The following DCC variants were observed in gnomAD, a reference collection of about 807,000 sequenced individuals.
DCC encodes the protein netrin receptor DCC.
A neutral mutation model predicts 172.5 loss-of-function variants in DCC; 58 were observed. The observed-to-expected ratio is 0.34, with a 90% CI of 0.27 to 0.42. The LOEUF (loss-of-function observed/expected upper bound fraction) is 0.42. Among genes scored for constraint, DCC ranks in the 10% least tolerant of loss-of-function variants. The pLI, the probability that DCC is intolerant of heterozygous loss-of-function variation, is 1.00. For synonymous variants in DCC, 709 were observed against 644.5 expected, an observed-to-expected ratio of 1.10 and a Z score of -1.52; for missense variants, 1,740 against 1,791.0, an observed-to-expected ratio of 0.97 and a Z score of 0.51.
At chr18:52,950,341 C>A (rs1242133384) in intron 5 of DCC, among the ~76,000 whole-genome samples, 1 of 152,182 alleles carries the variant, frequency 6.6e-6, no homozygotes, top group Non-Finnish European at 1.5e-5. Flanking sequence ...CTGGGTGTGT[C>A]ATGCAGCCAG....
At chr18:52,585,678 C>T (rs1394677708) in intron 1 of DCC, among the ~76,000 whole-genome samples, 2 of 152,188 alleles carry the variant, frequency 1.3e-5, no homozygotes, top group Non-Finnish European at 2.9e-5. Flanking sequence ...CATTCTCCCT[C>T]ACCCAATAAT....
chr18:52,623,643 T>C (rs2051182097), intron 1 of DCC, among the ~76,000 whole-genome samples: 1 of 152,190 alleles, frequency 6.6e-6, no homozygotes, highest in African/African-American at 2.4e-5. Context: ...ATTACATAGA[T>C]TGGTTTATTT....
intron 7 of DCC, among the ~76,000 whole-genome samples, chr18:53,156,282 C>T (rs1056614070): frequency 2.6e-5 from 4 of 151,720 alleles, no homozygotes; most frequent in South Asian, 2.1e-4. Context: ...GTCAGGAGTT[C>T]GACACAGCCT....
chr18:53,132,355 C>T (rs578153354), intron 7 of DCC, among the ~76,000 whole-genome samples: 17 of 152,018 alleles, frequency 1.1e-4, no homozygotes, highest in Non-Finnish European at 2.2e-4. Context: ...CATGATGAGT[C>T]GACCTGAGCT....
intron 2 of DCC, chr18:52,757,261 C>T (rs758833954): frequency 2.0e-5 from 3 of 152,216 alleles, no homozygotes; most frequent in Admixed American, 2.0e-4. Context: ...GGGCACTCCT[C>T]TCAGCCTTCT....
At chr18:52,892,675 A>G (rs2039667842) in intron 2 of DCC, 1 of 152,114 alleles carries the variant, frequency 6.6e-6, no homozygotes, top group South Asian at 2.1e-4. Flanking sequence ...TGGCTATTAT[A>G]TCATGTTATT....
intron 1 of DCC, among the ~76,000 whole-genome samples, chr18:52,660,029 T>G (rs1242653966): frequency 6.6e-6 from 1 of 152,156 alleles, no homozygotes; most frequent in Non-Finnish European, 1.5e-5. Flanking sequence ...ATGCAGAATT[T>G]TTTGCCTTCG....
chr18:53,109,525 C>A (rs1049764938), intron 7 of DCC, among the ~76,000 whole-genome samples: 2 of 150,190 alleles, frequency 1.3e-5, no homozygotes, highest in African/African-American at 4.9e-5. Context: ...TGTGTCTGTC[C>A]GTCTCTGTCT....
chr18:52,474,262 A>T (rs1245061665), intron 1 of DCC, among the ~76,000 whole-genome samples: 1 of 149,682 alleles, frequency 6.7e-6, no homozygotes, highest in East Asian at 2.0e-4. Context: ...GAAGCAATTC[A>T]TACACCATTA....
chr18:52,694,764 A>C (rs947980030), intron 1 of DCC, among the ~76,000 whole-genome samples: 2 of 152,076 alleles, frequency 1.3e-5, no homozygotes, highest in African/African-American at 4.8e-5. Context: ...CTGCCTGCCT[A>C]ATGGCATATG....
At chr18:52,427,507 T>G (rs890205772) in intron 1 of DCC, among the ~76,000 whole-genome samples, 1 of 152,098 alleles carries the variant, frequency 6.6e-6, no homozygotes, top group East Asian at 1.9e-4. Context: ...GTGGAGGGTC[T>G]GAGTCTGAGC....
intron 2 of DCC, among the ~76,000 whole-genome samples, chr18:52,810,921 T>G (rs1272402077): frequency 6.6e-6 from 1 of 152,056 alleles, no homozygotes; most frequent in Non-Finnish European, 1.5e-5. Context: ...CCTGTACTCT[T>G]GAGAGGGATG....
At chr18:52,591,620 A>G (rs2033801118) in intron 1 of DCC, among the ~76,000 whole-genome samples, 1 of 151,744 alleles carries the variant, frequency 6.6e-6, no homozygotes. Context: ...TGTTCAAATT[A>G]TTATTATTAC....
intron 1 of DCC, among the ~76,000 whole-genome samples, chr18:52,731,223 T>C (rs2036636011): frequency 6.6e-6 from 1 of 152,228 alleles, no homozygotes; most frequent in Non-Finnish European, 1.5e-5. Flanking sequence ...TGTTTCATTA[T>C]GTTAATACAT....
chr18:52,846,996 T>C (rs754775036), intron 2 of DCC, among the ~76,000 whole-genome samples: 2 of 152,154 alleles, frequency 1.3e-5, no homozygotes, highest in Admixed American at 6.5e-5. Flanking sequence ...GTAAGTGTTA[T>C]GTTGTGGAGT....
At chr18:52,921,214 A>G (rs1192870498) in intron 3 of DCC, among the ~76,000 whole-genome samples, 1 of 152,236 alleles carries the variant, frequency 6.6e-6, no homozygotes, top group Non-Finnish European at 1.5e-5. Context: ...TCATGAATTA[A>G]AACAACTATA....
At chr18:52,878,346 A>G (rs948582984) in intron 2 of DCC, among the ~76,000 whole-genome samples, 1 of 152,040 alleles carries the variant, frequency 6.6e-6, no homozygotes, top group African/African-American at 2.4e-5. Flanking sequence ...CCATAACACA[A>G]CTCACTTTCT....
chr18:53,505,498 A>G (rs2046160883), intron 27 of DCC, among the ~76,000 whole-genome samples: 1 of 151,912 alleles, frequency 6.6e-6, no homozygotes, highest in Non-Finnish European at 1.5e-5. Context: ...GGAGGGAGTG[A>G]ATGACTGCAG....
At chr18:53,336,526 C>T (rs745687792) in intron 14 of DCC, among the ~76,000 whole-genome samples, 1 of 152,022 alleles carries the variant, frequency 6.6e-6, no homozygotes, top group Non-Finnish European at 1.5e-5. Context: ...AAGGAACTGT[C>T]CTTTTGGTCC....
Sources: gnomAD v4.1 joint callset for allele counts (sites outside exome capture counted in the v4.1 genomes callset) on GRCh38, gnomAD v4.1.1 for gene constraint, MANE v1.5 for transcripts, NCBI Gene and HGNC (gene_info 2026-07-23, HGNC 2026-07-21) for gene names.